HMGN5: variants seen among roughly 807,000 people sequenced by gnomAD.
The protein encoded by HMGN5 is high mobility group nucleosome binding domain 5.
Under a neutral mutation model 9.5 loss-of-function variants are expected in HMGN5, and 4 were observed. The observed-to-expected ratio is 0.42, with a 90% CI of 0.21 to 0.96. The LOEUF (loss-of-function observed/expected upper bound fraction) is 0.96. Among genes scored for constraint, HMGN5 ranks in the 40% least tolerant of loss-of-function variants. The probability of loss-of-function intolerance (pLI) is 0.30; values close to 1 mark genes in which losing one functional copy is unlikely to be tolerated. For synonymous variants in HMGN5, 55 were observed against 57.1 expected, an observed-to-expected ratio of 0.96 and a Z score of 0.16; for missense variants, 192 against 187.5, an observed-to-expected ratio of 1.02 and a Z score of -0.14.
intron 1 of HMGN5, among the ~76,000 whole-genome samples, chrX:81,173,079 G>A (rs1437737957): frequency 9.0e-6 from 1 of 110,753 alleles, no homozygotes; most frequent in African/African-American, 3.3e-5. Flanking sequence ...CTTTTTATTG[G>A]TGTACTGTTT....
At chrX:81,119,892 A>G in intron 2 of HMGN5, 75 bp from the exon 3 acceptor site, 4 of 903,558 alleles carry the variant, frequency 4.4e-6, no homozygotes, top group Non-Finnish European at 6.4e-6. Context: ...CTGCCTGCGG[A>G]TTACAAATTT....
Position 81,114,701 on chromosome X carries a change from T to A in HMGN5, c.797A>T (p.Asp266Val). ...TTTTCCATCATCTTCTTTGATCTCA[T>A]CTTCCTCTTTTCCTTCTTCCTCTTC... is the stretch of plus-strand genomic sequence containing the variant. Reference protein sequence around the residue: ...LKEEEEGKEEDEIKEDDGKKE... With the variant: ...LKEEEEGKEEVEIKEDDGKKE... Residue 266 changes from aspartate to valine, a missense_variant, in exon 7 of 7, where the codon GAT becomes GTT. Coordinates refer to ENST00000358130, the MANE Select transcript of HMGN5 (RefSeq NM_030763.3). 1 of 1,156,463 alleles carries A rather than the reference T, an allele frequency of 8.6e-7. No individual in the cohort carries two copies. Among genetic ancestry groups the A allele is most frequent in the Non-Finnish European group, 1.2e-6 (1 of 868,882 alleles).
chrX:81,134,565 G>T, intron 1 of HMGN5, among the ~76,000 whole-genome samples: 1 of 111,042 alleles, frequency 9.0e-6, no homozygotes, highest in Non-Finnish European at 1.9e-5. Context: ...TTGCCCATTG[G>T]TAGTCACTTC....
chrX:81,167,775 T>C (rs1230950193), intron 1 of HMGN5, among the ~76,000 whole-genome samples: 1 of 112,168 alleles, frequency 8.9e-6, no homozygotes, highest in Non-Finnish European at 1.9e-5. Flanking sequence ...TTTTTATGCA[T>C]CTTATTTTTC....
chrX:81,148,984 G>T (rs2075353370), intron 1 of HMGN5, among the ~76,000 whole-genome samples: 2 of 111,779 alleles, frequency 1.8e-5, no homozygotes, highest in African/African-American at 6.5e-5. Flanking sequence ...AACAACAGAT[G>T]CTGGAGAGGA....
chrX:81,177,849 A>G (rs2075447963), intron 1 of HMGN5, among the ~76,000 whole-genome samples: 1 of 111,928 alleles, frequency 8.9e-6, no homozygotes, highest in Non-Finnish European at 1.9e-5. Flanking sequence ...AAGAACAGAA[A>G]TCACAACAAA....
intron 1 of HMGN5, among the ~76,000 whole-genome samples, chrX:81,155,118 C>T (rs372140428): frequency 1.3e-4 from 12 of 90,074 alleles, no homozygotes; most frequent in Non-Finnish European, 1.7e-4. Flanking sequence ...CACACATACA[C>T]ATATATATAT....
chrX:81,145,018 G>A (rs981190031), intron 1 of HMGN5, among the ~76,000 whole-genome samples: 3 of 111,736 alleles, frequency 2.7e-5, no homozygotes, highest in African/African-American at 9.8e-5. Context: ...CCAAATCTAC[G>A]TTTGATTGGT....
chrX:81,128,444 T>C (rs193270263), intron 1 of HMGN5, among the ~76,000 whole-genome samples: 1 of 111,703 alleles, frequency 9.0e-6, no homozygotes, highest in East Asian at 2.8e-4. Flanking sequence ...TTTTTAAAAA[T>C]ATGCTCTCTA....
chrX:81,170,474 G>C (rs1484019390), intron 1 of HMGN5, among the ~76,000 whole-genome samples: 2 of 111,660 alleles, frequency 1.8e-5, no homozygotes, highest in East Asian at 5.6e-4. Context: ...AAGAAAATAA[G>C]TGTATAAAAG....
Position 81,155,102 on chromosome X carries a change from T to TAC in HMGN5, c.-123-33432_-123-33431dup, listed in dbSNP as rs1205557645. On this transcript the variant is annotated intron_variant, in intron 1 of 6. Transcript: ENST00000358130. ...ATATATATATATATATATATATATA[T>TAC]ACACACACACATACACATATATATA... Among the ~76,000 whole-genome samples the TAC allele has an allele frequency of 1.1e-3, 99 of 91,034 alleles. 1 individual carries two copies. Among genetic ancestry groups the TAC allele is most frequent in the Middle Eastern group, 6.1e-3 (1 of 165 alleles). The allele number at this position is 91,034 out of a possible 115,157, so 79.1% of individuals were successfully genotyped here.
chrX:81,116,749 G>A (rs1330870068), intron 5 of HMGN5, among the ~76,000 whole-genome samples: 3 of 111,658 alleles, frequency 2.7e-5, no homozygotes, highest in African/African-American at 3.3e-5. Context: ...TTTGTTGATC[G>A]TTACGCCTCC....
chrX:81,116,229 T>C lies in HMGN5; in HGVS notation c.242A>G (p.Lys81Arg), dbSNP rs2075253040. 8.4e-7 allele frequency: 1 copy of C among 1,196,989 alleles called. No individual in the cohort carries two copies. Among genetic ancestry groups the C allele is most frequent in the Admixed American group, 2.2e-5 (1 of 45,262 alleles). The change falls in exon 6 of 7, where the codon AAA becomes AGA. Residue 81 changes from lysine to arginine, a missense_variant. Lys to Arg is a conservative substitution (Grantham distance 26). Transcript: ENST00000358130. ...CTCTGTAATTTTGGCTTCTCCATTT[T>C]TAGCATTTTCATTGTAGTCTTCTTC... is the stretch of plus-strand genomic sequence containing the variant. ...VVEEDYNENA[K>R]NGEAKITEAP...
Position 81,114,268 on chromosome X carries a change from T to C in HMGN5, c.*381A>G, listed in dbSNP as rs1221233070. The C allele has an allele frequency of 8.5e-6, 1 of 117,541 alleles. No individual in the cohort carries two copies. Among genetic ancestry groups the C allele is most frequent in the African/African-American group, 3.2e-5 (1 of 31,221 alleles). The allele number at this position is 117,541 out of a possible 1,213,427, so 9.7% of individuals were successfully genotyped here. A position where few individuals can be genotyped will look rare whatever the true frequency, so the allele number is the denominator to read the frequency against. ...CATTACATGAAAATAGTTCACCTTC[T>C]TTATAAAAGCAACCTGCAGAACAAG... On this transcript the variant is annotated 3_prime_UTR_variant, in exon 7 of 7. Coordinates refer to ENST00000358130, the MANE Select transcript of HMGN5 (RefSeq NM_030763.3).
At chrX:81,179,663 A>C (rs1302857704) in intron 1 of HMGN5, among the ~76,000 whole-genome samples, 3 of 111,974 alleles carry the variant, frequency 2.7e-5, no homozygotes, top group Non-Finnish European at 3.8e-5. Context: ...ATCCCCATCA[A>C]GATACCAATG....
chrX:81,146,034 C>T (rs1366894930), intron 1 of HMGN5, among the ~76,000 whole-genome samples: 15 of 111,165 alleles, frequency 1.3e-4, no homozygotes. Context: ...GAGACTTAGA[C>T]TCTCACACAA....
intron 1 of HMGN5, among the ~76,000 whole-genome samples, chrX:81,190,203 G>A (rs1490955176): frequency 9.0e-6 from 1 of 111,692 alleles, no homozygotes; most frequent in Admixed American, 9.6e-5. Flanking sequence ...TATCGGATAT[G>A]TCTTTTGTAA....
chrX:81,192,702 T>A (rs1420117769), intron 1 of HMGN5, among the ~76,000 whole-genome samples: 1 of 112,231 alleles, frequency 8.9e-6, no homozygotes, highest in Non-Finnish European at 1.9e-5. Context: ...AGTGTCTTTA[T>A]TTCACATTAG....
intron 1 of HMGN5, among the ~76,000 whole-genome samples, chrX:81,137,417 TAAAAC>T (rs1303108811): frequency 9.0e-6 from 1 of 111,026 alleles, no homozygotes; most frequent in Non-Finnish European, 1.9e-5. Context: ...AAATCAATAA[TAAAAC>T]AAAACAGGAA....
Sources: allele counts gnomAD v4.1 joint callset (sites outside exome capture counted in the v4.1 genomes callset), GRCh38; gene constraint gnomAD v4.1.1; transcripts MANE v1.5; gene names NCBI Gene and HGNC (gene_info 2026-07-23, HGNC 2026-07-21).